Variants in GLP1R observed in about 807,000 individuals in gnomAD.
GLP1R encodes glucagon like peptide 1 receptor.
Under a neutral mutation model 68.4 loss-of-function variants are expected in GLP1R, and 32 were observed. The observed-to-expected ratio is 0.47, with a 90% CI of 0.35 to 0.63. The LOEUF (loss-of-function observed/expected upper bound fraction) is 0.63. Ranked by LOEUF, GLP1R falls within the 20% of genes least tolerant of loss-of-function variation. GLP1R has a pLI of 0.00. For synonymous variants in GLP1R, 263 were observed against 244.4 expected (o/e 1.08, Z -0.71); for missense variants, 502 against 594.9 (o/e 0.84, Z 1.62).
At chr6:39,064,057 T>C (rs1252016200) in intron 3 of GLP1R, among the ~76,000 whole-genome samples, 3 of 129,240 alleles carry the variant, frequency 2.3e-5, no homozygotes, top group Non-Finnish European at 4.9e-5. Context: ...GCTGGAGTAG[T>C]TAGTGGCTTG....
At chr6:39,050,588 A>C (rs1157968902) in intron 1 of GLP1R, among the ~76,000 whole-genome samples, 2 of 152,082 alleles carry the variant, frequency 1.3e-5, no homozygotes, top group Non-Finnish European at 2.9e-5. Context: ...AGGTCCTAGC[A>C]GGGAGGGGAG....
intron 5 of GLP1R, among the ~76,000 whole-genome samples, chr6:39,071,848 G>A (rs1768676461): frequency 6.6e-6 from 1 of 152,074 alleles, no homozygotes; most frequent in African/African-American, 2.4e-5. Flanking sequence ...TGAATACGGA[G>A]AGACTTGACT....
intron 8 of GLP1R, among the ~76,000 whole-genome samples, chr6:39,078,627 T>G (rs1167881466): frequency 6.6e-6 from 1 of 152,116 alleles, no homozygotes; most frequent in Non-Finnish European, 1.5e-5. Flanking sequence ...CCTGCAGGTT[T>G]TTCTGTAATA....
intron 5 of GLP1R, among the ~76,000 whole-genome samples, chr6:39,071,131 G>A (rs1480274988): frequency 6.6e-6 from 1 of 152,078 alleles, no homozygotes; most frequent in Non-Finnish European, 1.5e-5. Flanking sequence ...TGGATCACAA[G>A]GTCAGGAGAT....
At chr6:39,078,843 T>G in intron 8 of GLP1R, 114 bp from the exon 9 acceptor site, 1 of 886,146 alleles carries the variant, frequency 1.1e-6, no homozygotes, top group Non-Finnish European at 1.9e-6. Flanking sequence ...TCCTGGGAGC[T>G]GTGTGTGTGG....
intron 1 of GLP1R, among the ~76,000 whole-genome samples, chr6:39,051,018 A>T (rs374812461): frequency 1.3e-5 from 2 of 152,224 alleles, no homozygotes; most frequent in Non-Finnish European, 1.5e-5. Flanking sequence ...CTTCTGAAGA[A>T]GGTGCCCTAG....
intron 4 of GLP1R, 24 bp downstream of exon 4, chr6:39,065,853 C>T (rs762661283): frequency 3.5e-6 from 5 of 1,428,682 alleles, no homozygotes; most frequent in Non-Finnish European, 4.9e-6. Context: ...GGGTTCTGAG[C>T]CAGGGAGCGG....
In GLP1R at chr6:39,079,642, C is replaced by T. The variant is rs12212036; in HGVS notation, c.1122C>T (p.His374=). ...TCTTTGCCTTTGTGATGGACGAGCACGCCCGGGGGACCCTGCGCTTCATCA... is the reference window on the plus strand; with the variant it reads ...TCTTTGCCTTTGTGATGGACGAGCATGCCCGGGGGACCCTGCGCTTCATCA... The part of the protein sequence containing the change: ...EVIFAFVMDE[H]ARGTLRFIKL... The change falls in exon 11 of 13, where the codon CAC becomes CAT. Residue 374 remains histidine, a synonymous_variant. Transcript: ENST00000373256. This position sits in a 1 kb window ranked among gnomAD's most constrained non-coding sequence, Gnocchi z 4.5. 7,544 of 1,611,750 alleles carry T rather than the reference C, an allele frequency of 4.7e-3. 24 individuals are homozygous for T. Among genetic ancestry groups the T allele is most frequent in the Non-Finnish European group, 5.6e-3 (6,622 of 1,179,010 alleles).
rs1253770150 is a variant in GLP1R at position 39,048,938 on chromosome 6, A to G, written c.78+20A>G. 12 of 1,125,256 alleles carry G rather than the reference A, an allele frequency of 1.1e-5. No individual in the cohort carries two copies. Among genetic ancestry groups the G allele is most frequent in the Non-Finnish European group, 1.4e-5 (12 of 836,166 alleles). The allele number at this position is 1,125,256 out of a possible 1,614,324, so 69.7% of individuals were successfully genotyped here. Reference sequence around the variant, plus strand: ...CCCCAGGTGAGATCCAGGGACCCCGACGACACCGGGGGAGGCGGGTGGCTC... The same window carrying G: ...CCCCAGGTGAGATCCAGGGACCCCGGCGACACCGGGGGAGGCGGGTGGCTC... On this transcript the variant is annotated intron_variant, in intron 1 of 12. Transcript: ENST00000373256.
chr6:39,063,806 A>T (rs80263562), intron 3 of GLP1R, among the ~76,000 whole-genome samples: 1 of 151,776 alleles, frequency 6.6e-6, no homozygotes, highest in Non-Finnish European at 1.5e-5. Flanking sequence ...ATTTTTTGCT[A>T]GGGTGAAAAA....
chr6:39,077,602 G>A (rs1463180278), intron 7 of GLP1R, among the ~76,000 whole-genome samples: 1 of 152,168 alleles, frequency 6.6e-6, no homozygotes, highest in East Asian at 1.9e-4. Flanking sequence ...AGGTTCCTGG[G>A]TCACATGAAA....
intron 3 of GLP1R, among the ~76,000 whole-genome samples, chr6:39,062,024 C>T (rs557817143): frequency 1.1e-3 from 173 of 152,296 alleles, no homozygotes; most frequent in African/African-American, 4.1e-3. Flanking sequence ...GCCCAGTAGT[C>T]CTTGCTGGCC....
In GLP1R at chr6:39,079,303, A is replaced by T. The variant is rs1768925786; in HGVS notation, c.1043+103A>T. The stretch of plus-strand genomic sequence containing the variant: ...CCTGGGATGCTTAGCTTAGAGCCCT[A>T]CACTACCCTCTCCTTCCACCCAGGC... On this transcript the variant is annotated intron_variant, in intron 10 of 12. Transcript: ENST00000373256. This position sits in a 1 kb window ranked among gnomAD's most constrained non-coding sequence, Gnocchi z 4.5. 2 of 940,816 alleles carry T rather than the reference A, an allele frequency of 2.1e-6. No homozygotes were observed. The highest frequency in any genetic ancestry group is 3.4e-6 in the Non-Finnish European group (2 of 582,006). The allele number at this position is 940,816 out of a possible 1,614,324, so 58.3% of individuals were successfully genotyped here.
At chr6:39,060,413 G>A (rs1768329747) in intron 3 of GLP1R, among the ~76,000 whole-genome samples, 2 of 152,162 alleles carry the variant, frequency 1.3e-5, no homozygotes, top group African/African-American at 4.8e-5. Flanking sequence ...CAAGGTAAAG[G>A]GACCAATGAG....
chr6:39,076,502 T>A (rs1039107002), intron 7 of GLP1R, among the ~76,000 whole-genome samples: 5 of 152,292 alleles, frequency 3.3e-5, no homozygotes, highest in South Asian at 2.1e-4. Flanking sequence ...TCTCCCTGCA[T>A]CATCAGGCAC....
At chr6:39,051,215 G>C (rs1054478131) in intron 1 of GLP1R, among the ~76,000 whole-genome samples, 1 of 152,112 alleles carries the variant, frequency 6.6e-6, no homozygotes, top group African/African-American at 2.4e-5. Context: ...TTGGACACTT[G>C]GTTATCCCCA....
At chr6:39,058,866 A>G (rs1052856764) in intron 3 of GLP1R, among the ~76,000 whole-genome samples, 5 of 152,250 alleles carry the variant, frequency 3.3e-5, no homozygotes, top group East Asian at 1.9e-4. Context: ...TTTGAATCCA[A>G]TTCGTGCTCC....
At position 39,049,605 on chromosome 6, in the gene GLP1R, C is replaced by G. The variant is rs1405249471; in HGVS notation, c.78+687C>G. ...GCCCCCCTGGAAGCAGCCAGGCGCC[C>G]CCACTCACCCACTCTGCTGACCTCC... is the stretch of plus-strand genomic sequence containing the variant. On this transcript the variant is annotated intron_variant, in intron 1 of 12. Coordinates refer to ENST00000373256, the MANE Select transcript of GLP1R (RefSeq NM_002062.5). The surrounding 1 kb of genome is among the most constrained non-coding windows in gnomAD (Gnocchi z 4.5). Among the ~76,000 whole-genome samples the G allele has an allele frequency of 6.6e-6, 1 of 152,140 alleles. No homozygotes were observed. The highest frequency in any genetic ancestry group is 2.4e-5 in the African/African-American group (1 of 41,406).
intron 5 of GLP1R, among the ~76,000 whole-genome samples, 186 bp downstream of exon 5, chr6:39,066,489 G>A (rs1217119652): frequency 6.6e-6 from 1 of 152,194 alleles, no homozygotes; most frequent in Non-Finnish European, 1.5e-5. Flanking sequence ...TGTGTTCTTG[G>A]TCTAGTCTCC....
Sources: allele counts gnomAD v4.1 joint callset (sites outside exome capture counted in the v4.1 genomes callset), GRCh38; gene constraint gnomAD v4.1.1; non-coding constraint Gnocchi (gnomAD v3.1); transcripts MANE v1.5; gene names NCBI Gene and HGNC (gene_info 2026-07-23, HGNC 2026-07-21).